Variants in DPP10 observed in about 807,000 individuals in gnomAD.
The protein encoded by DPP10 is dipeptidyl peptidase like 10.
Under a neutral mutation model 120.9 loss-of-function variants are expected in DPP10, and 33 were observed. The observed-to-expected ratio is 0.27, with a 90% confidence interval of 0.21 to 0.37. DPP10 has a LOEUF of 0.37. Ranked by LOEUF, DPP10 falls within the 10% of genes least tolerant of loss-of-function variation. The probability of loss-of-function intolerance (pLI) is 1.00; values close to 1 mark genes in which losing one functional copy is unlikely to be tolerated. For missense variants in DPP10, 816 were observed against 942.8 expected (o/e 0.87, Z 1.76); for synonymous variants, 337 against 326.1 (o/e 1.03, Z -0.36).
At chr2:115,308,345 G>T (rs1313843817) in intron 1 of DPP10, among the ~76,000 whole-genome samples, 1 of 150,612 alleles carries the variant, frequency 6.6e-6, no homozygotes, top group Non-Finnish European at 1.5e-5. Flanking sequence ...TCTAAATAAA[G>T]AGGCTGTATT....
intron 5 of DPP10, among the ~76,000 whole-genome samples, chr2:115,644,628 A>AAG (rs1008156004): frequency 1.3e-5 from 2 of 151,434 alleles, no homozygotes; most frequent in African/African-American, 4.9e-5. Flanking sequence ...AAAAAAAAAA[A>AAG]AAATAGCTAG....
At chr2:114,497,255 ACG>A (rs1328624141) in intron 1 of DPP10, among the ~76,000 whole-genome samples, 6 of 104,882 alleles carry the variant, frequency 5.7e-5, no homozygotes, top group African/African-American at 1.4e-4. Flanking sequence ...GTATGCATGT[ACG>A]TGTGTATACA....
At chr2:114,834,314 A>G (rs1687430317) in intron 1 of DPP10, among the ~76,000 whole-genome samples, 1 of 151,686 alleles carries the variant, frequency 6.6e-6, no homozygotes, top group Admixed American at 6.6e-5. Context: ...ATGTATATAT[A>G]AGCCATGTCT....
intron 4 of DPP10, among the ~76,000 whole-genome samples, chr2:115,504,556 A>G (rs2076849120): frequency 6.6e-6 from 1 of 152,088 alleles, no homozygotes; most frequent in Admixed American, 6.6e-5. Context: ...TTTAAAAATG[A>G]TTATTTATGT....
intron 3 of DPP10, among the ~76,000 whole-genome samples, chr2:115,393,290 G>A (rs867997664): frequency 5.5e-5 from 8 of 145,470 alleles, no homozygotes; most frequent in Middle Eastern, 6.9e-3. Context: ...TCAAGCCTGG[G>A]TGACAGAGGA....
At chr2:115,049,786 G>C (rs748226062) in intron 1 of DPP10, among the ~76,000 whole-genome samples, 1 of 152,128 alleles carries the variant, frequency 6.6e-6, no homozygotes, top group African/African-American at 2.4e-5. Flanking sequence ...AGTTCTCATG[G>C]TTCCCTTTTC....
At chr2:115,181,945 A>G (rs775873274) in intron 1 of DPP10, among the ~76,000 whole-genome samples, 2 of 152,252 alleles carry the variant, frequency 1.3e-5, no homozygotes, top group Non-Finnish European at 2.9e-5. Context: ...TTTTCAACAC[A>G]TACCGTTAGC....
At chr2:115,099,492 A>C (rs2048576029) in intron 1 of DPP10, among the ~76,000 whole-genome samples, 2 of 152,308 alleles carry the variant, frequency 1.3e-5, no homozygotes, top group African/African-American at 4.8e-5. Flanking sequence ...ACAAGGTAGC[A>C]GCTATAGCTT....
intron 1 of DPP10, among the ~76,000 whole-genome samples, chr2:114,955,677 A>G (rs1172095054): frequency 6.6e-6 from 1 of 152,218 alleles, no homozygotes; most frequent in Non-Finnish European, 1.5e-5. Context: ...CCTGATAAAC[A>G]TAGGTGCAAA....
At chr2:115,392,186 C>CT (rs11404549) in intron 3 of DPP10, among the ~76,000 whole-genome samples, 33,699 of 150,840 alleles carry the variant, frequency 0.22, 4,092 homozygotes, top group East Asian at 0.35. Context: ...TATTTTTATG[C>CT]TTTTTTTTTG....
chr2:114,855,888 G>A (rs4353658), intron 1 of DPP10, among the ~76,000 whole-genome samples: 54,554 of 151,282 alleles, frequency 0.36, 10,496 homozygotes, highest in South Asian at 0.51. Flanking sequence ...CCAATTTCTT[G>A]AGTATTTGTG....
chr2:115,300,422 G>T (rs2061074011), intron 1 of DPP10, among the ~76,000 whole-genome samples: 1 of 151,932 alleles, frequency 6.6e-6, no homozygotes, highest in African/African-American at 2.4e-5. Flanking sequence ...TTTCAAAGCT[G>T]CATAATACTC....
chr2:114,597,883 A>G (rs1437303733), intron 1 of DPP10, among the ~76,000 whole-genome samples: 1 of 151,804 alleles, frequency 6.6e-6, no homozygotes, highest in East Asian at 1.9e-4. Flanking sequence ...TCTCCTTTCC[A>G]TTTCAACTCC....
At chr2:114,567,197 A>T (rs971330477) in intron 1 of DPP10, among the ~76,000 whole-genome samples, 1 of 152,084 alleles carries the variant, frequency 6.6e-6, no homozygotes, top group Non-Finnish European at 1.5e-5. Flanking sequence ...GGCAGGTACA[A>T]TTTTTTTGGC....
chr2:115,768,316 C>G lies in DPP10; in HGVS notation c.1133C>G (p.Ser378Cys), dbSNP rs753342298. 2 of 1,613,634 alleles carry G rather than the reference C, an allele frequency of 1.2e-6. No individual in the cohort carries two copies. Among genetic ancestry groups the G allele is most frequent in the Non-Finnish European group, 1.7e-6 (2 of 1,179,690 alleles). The change falls in exon 13 of 26, where the codon TCT becomes TGT. Residue 378 changes from serine (S) to cysteine (C), a missense_variant. By Grantham distance (112) the Ser-to-Cys change is moderately radical. Coordinates refer to ENST00000410059, the MANE Select transcript of DPP10 (RefSeq NM_020868.6). ...TTTTAGAATGAGGAGCCCGTGTTTT[C>G]TAGAGACGGCAGCAAATTCTTTATG... ...LSQQNEEPVF[S>C]RDGSKFFMTV...
Position 115,310,828 on chromosome 2 carries a change from C to G in DPP10, c.175+1475C>G, listed in dbSNP as rs1259736091. On this transcript the variant is annotated intron_variant, in intron 2 of 25. Coordinates refer to ENST00000410059, the MANE Select transcript of DPP10 (RefSeq NM_020868.6). Reference sequence around the variant, plus strand: ...CGACATTGCTGCCTTCTATTGATGGCTATTAGCCAGATGGAGGTATTCATG... The same window carrying G: ...CGACATTGCTGCCTTCTATTGATGGGTATTAGCCAGATGGAGGTATTCATG... 2.0e-5 allele frequency among the ~76,000 whole-genome samples: 3 copies of G among 152,158 alleles called. 1 individual carries two copies. Among genetic ancestry groups the G allele is most frequent in the Non-Finnish European group, 2.9e-5 (2 of 68,042 alleles).
rs551663063 is a variant in DPP10, at chr2:115,192,483, C to G, written c.61-116756C>G. Reference sequence around the variant, plus strand: ...ACATGGCTTGGGGCCCCCAGTGGGTCCCTTGATGCAGTTGGAACAAGATTT... The same window carrying G: ...ACATGGCTTGGGGCCCCCAGTGGGTGCCTTGATGCAGTTGGAACAAGATTT... On this transcript the variant is annotated intron_variant, in intron 1 of 25. Transcript: ENST00000410059. Among the ~76,000 whole-genome samples the G allele has an allele frequency of 5.3e-5, 8 of 152,316 alleles. No homozygotes were observed. In the East Asian group the frequency reaches 1.5e-3, roughly 29 times the overall value.
intron 1 of DPP10, among the ~76,000 whole-genome samples, chr2:114,939,515 C>A (rs537072593): frequency 1.6e-4 from 24 of 152,172 alleles, no homozygotes; most frequent in Admixed American, 1.6e-3. Context: ...TCGGGATGCA[C>A]AAAACCTACC....
At chr2:115,620,951 A>G (rs907014423) in intron 5 of DPP10, among the ~76,000 whole-genome samples, 1 of 152,184 alleles carries the variant, frequency 6.6e-6, no homozygotes, top group African/African-American at 2.4e-5. Flanking sequence ...TTTCCAAATA[A>G]CTCAAATCTT....
Sources: gnomAD v4.1 joint callset for allele counts (sites outside exome capture counted in the v4.1 genomes callset) on GRCh38, gnomAD v4.1.1 for gene constraint, MANE v1.5 for transcripts, NCBI Gene and HGNC (gene_info 2026-07-23, HGNC 2026-07-21) for gene names.